The following KMT2C variants were observed in gnomAD, a reference collection of about 807,000 sequenced individuals.
The protein encoded by KMT2C is lysine methyltransferase 2C, also known as histone-lysine N-methyltransferase 2C.
KMT2C carries 88 observed loss-of-function variants against 507.9 expected under a neutral mutation model. The ratio of observed to expected loss-of-function variants is 0.17; its 90% CI spans 0.15 to 0.21. The LOEUF (loss-of-function observed/expected upper bound fraction) is 0.21, where lower values mean the gene tolerates loss of function less well. Ranked by LOEUF, KMT2C falls within the 10% of genes least tolerant of loss-of-function variation. The probability of loss-of-function intolerance (pLI) is 1.00; values close to 1 mark genes in which losing one functional copy is unlikely to be tolerated. For synonymous variants in KMT2C, 2,049 were observed against 2,080.8 expected (o/e 0.98, Z 0.42); for missense variants, 4,954 against 5,957.8 (o/e 0.83, Z 5.55).
chr7:152,384,548 A>ACACCACCACTACCACCACCACCACCAC (rs1564068171), intron 1 of KMT2C, among the ~76,000 whole-genome samples: 2 of 62,174 alleles, frequency 3.2e-5, no homozygotes, highest in African/African-American at 6.3e-5. Flanking sequence ...CATGTGCATA[A>ACACCACCACTACCACCACCACCACCAC]CACCACCACC....
chr7:152,349,350 G>A (rs532736211), intron 2 of KMT2C, among the ~76,000 whole-genome samples: 5 of 151,848 alleles, frequency 3.3e-5, no homozygotes, highest in South Asian at 2.1e-4. Context: ...AGGCTGAGAC[G>A]GGAGAATCAC....
At chr7:152,348,599 T>TAAAAA (rs201530125) in intron 2 of KMT2C, among the ~76,000 whole-genome samples, 35 of 48,968 alleles carry the variant, frequency 7.1e-4, no homozygotes, top group Admixed American at 1.0e-3. Flanking sequence ...AACTCTGTCT[T>TAAAAA]AAAAAAAAAA....
intron 16 of KMT2C, among the ~76,000 whole-genome samples, chr7:152,231,567 G>GCT (rs1473465800): frequency 1.3e-5 from 2 of 152,258 alleles, no homozygotes; most frequent in African/African-American, 4.8e-5. Context: ...GATCGCTTGA[G>GCT]CTCAGGAGTT....
At chr7:152,266,388 G>C (rs2095858442) in intron 7 of KMT2C, among the ~76,000 whole-genome samples, 1 of 152,120 alleles carries the variant, frequency 6.6e-6, no homozygotes, top group Non-Finnish European at 1.5e-5. Flanking sequence ...GGGCTTACAG[G>C]CGTGTGCCAC....
intron 9 of KMT2C, among the ~76,000 whole-genome samples, chr7:152,262,361 C>G (rs1194696659): frequency 4.6e-5 from 7 of 152,198 alleles, no homozygotes; most frequent in Non-Finnish European, 8.8e-5. Context: ...CCTCGCAACA[C>G]CAGCAGCCCA....
rs67446037 is a variant in KMT2C at position 152,318,626 on chromosome 7, C to CAAA, written c.390-3291_390-3289dup. ...TGGGCAACAGAGCAAGACTCCATCT[C>CAAA]AAAAAAAAAAAAAAAAAAAAAATAG... is the stretch of plus-strand genomic sequence containing the variant. On this transcript the variant is annotated intron_variant, in intron 3 of 58. Coordinates refer to ENST00000262189, the MANE Select transcript of KMT2C (RefSeq NM_170606.3). 2.0e-3 allele frequency among the ~76,000 whole-genome samples: 106 copies of CAAA among 54,078 alleles called. 1 individual carries two copies. The highest frequency in any genetic ancestry group is 3.0e-3 in the Non-Finnish European group (75 of 25,120). 35.5% of individuals were successfully genotyped at this position (54,078 alleles called of 152,430 possible).
intron 1 of KMT2C, among the ~76,000 whole-genome samples, chr7:152,415,327 G>A (rs2097723444): frequency 7.5e-6 from 1 of 133,936 alleles, no homozygotes; most frequent in Non-Finnish European, 1.5e-5. Flanking sequence ...AAATTCTAAT[G>A]CTTTGTTTAC....
chr7:152,276,424 C>T (rs1408584219), intron 6 of KMT2C, among the ~76,000 whole-genome samples: 2 of 152,046 alleles, frequency 1.3e-5, no homozygotes, highest in East Asian at 1.9e-4. Context: ...GTAACAATTA[C>T]GAAGCTAATT....
At chr7:152,253,514 CAAAAAAAAAAAAAAAA>C (rs71198770) in intron 9 of KMT2C, among the ~76,000 whole-genome samples, 10 of 39,516 alleles carry the variant, frequency 2.5e-4, no homozygotes, top group Admixed American at 7.7e-4. Context: ...TCTTTCTCTA[CAAAAAAAAAAAAAAAA>C]AAAAAAAAAA....
intron 1 of KMT2C, among the ~76,000 whole-genome samples, chr7:152,432,629 G>A (rs1269373394): frequency 6.6e-6 from 1 of 152,026 alleles, no homozygotes; most frequent in Non-Finnish European, 1.5e-5. Context: ...CTTGATTTTA[G>A]GTAGTAAAAT....
intron 1 of KMT2C, among the ~76,000 whole-genome samples, chr7:152,361,542 A>G (rs1049687256): frequency 5.3e-5 from 8 of 152,134 alleles, no homozygotes; most frequent in Non-Finnish European, 1.0e-4. Flanking sequence ...CAGCCTGGGC[A>G]ACAAGAGAGA....
chr7:152,187,855 G>GA lies in KMT2C; in HGVS notation c.4661-9dup, dbSNP rs1563317699. Reference sequence around the variant, plus strand: ...GCATCCGTGAAAAAGCATCTTCAGAGAAAAAAATAATTCCGTTGGCATGAT... The same window carrying GA: ...GCATCCGTGAAAAAGCATCTTCAGAGAAAAAAAATAATTCCGTTGGCATGAT... On this transcript the variant is annotated splice_polypyrimidine_tract_variant and intron_variant, in intron 31 of 58. Transcript: ENST00000262189. 12 of 1,611,662 alleles carry GA rather than the reference G, an allele frequency of 7.4e-6. No individual in the cohort carries two copies. Among genetic ancestry groups the GA allele is most frequent in the East Asian group, 2.2e-5 (1 of 44,838 alleles).
rs560853000 is a variant in KMT2C, at chr7:152,384,044, C to CTGTGTGTGTG, written c.162-25379_162-25370dup. Among the ~76,000 whole-genome samples, 865 of 149,874 alleles carry CTGTGTGTGTG rather than the reference C, an allele frequency of 5.8e-3. 8 individuals carry two copies. Among genetic ancestry groups the CTGTGTGTGTG allele is most frequent in the African/African-American group, 0.019 (767 of 39,934 alleles). ...AGATCCGAGAGGCAGACATGTGTGT[C>CTGTGTGTGTG]TGTGTGTGTGTGCGTGTGTGTAGGC... On this transcript the variant is annotated intron_variant, in intron 1 of 58. Transcript: ENST00000262189.
rs759546723 is a variant in KMT2C, at chr7:152,231,780, CA to C, written c.2770-1460del. On this transcript the variant is annotated intron_variant, in intron 16 of 58. Coordinates refer to ENST00000262189, the MANE Select transcript of KMT2C (RefSeq NM_170606.3). ...TGGGTGACAGAGCGAGACCCTGTCT[CA>C]AAAAAAAAAAAGAAGGAAGGAAGTT... Among the ~76,000 whole-genome samples, 257 of 133,400 alleles carry C rather than the reference CA, an allele frequency of 1.9e-3. No individual in the cohort carries two copies. The Middle Eastern group carries it at 0.02, about 10-fold the overall frequency. The allele number at this position is 133,400 out of a possible 152,430, so 87.5% of individuals were successfully genotyped here.
At chr7:152,207,800 A>G (rs1451208469) in intron 23 of KMT2C, among the ~76,000 whole-genome samples, 1 of 152,198 alleles carries the variant, frequency 6.6e-6, no homozygotes, top group Non-Finnish European at 1.5e-5. Flanking sequence ...CTAGTTACTG[A>G]AAACTGTATA....
chr7:152,421,239 CA>C (rs772104072), intron 1 of KMT2C, among the ~76,000 whole-genome samples: 5 of 151,578 alleles, frequency 3.3e-5, no homozygotes, highest in Non-Finnish European at 2.9e-5. Context: ...AAGTCACACA[CA>C]AAAAAAACAT....
chr7:152,194,293 T>C (rs2129129178), intron 29 of KMT2C, 32 bp from the exon 30 acceptor site: 1 of 1,357,446 alleles, frequency 7.4e-7, no homozygotes, highest in South Asian at 1.3e-5. Flanking sequence ...AAAGAAACAT[T>C]AACAGCTACT....
In KMT2C at chr7:152,255,109, T is replaced by TTATATATATATA. The variant is rs1207305132; in HGVS notation, c.1300-2406_1300-2395dup. Among the ~76,000 whole-genome samples the TTATATATATATA allele has an allele frequency of 2.7e-3, 208 of 78,290 alleles. 1 individual carries two copies. The highest frequency in any genetic ancestry group is 8.3e-3 in the Middle Eastern group (1 of 120). 51.4% of individuals were successfully genotyped at this position (78,290 alleles called of 152,430 possible). On this transcript the variant is annotated intron_variant, in intron 9 of 58. Coordinates refer to ENST00000262189, the MANE Select transcript of KMT2C (RefSeq NM_170606.3). ...AATCAAGATGTCAATCAACTCTCAC[T>TTATATATATATA]TATATATATATATATATATATATAT...
At chr7:152,318,930 G>T (rs369174087) in intron 3 of KMT2C, among the ~76,000 whole-genome samples, 7 of 152,028 alleles carry the variant, frequency 4.6e-5, no homozygotes, top group African/African-American at 7.2e-5. Context: ...AATGAATCTC[G>T]AATCTGAAAG....
Sources: gnomAD v4.1 joint callset for allele counts (sites outside exome capture counted in the v4.1 genomes callset) on GRCh38, gnomAD v4.1.1 for gene constraint, MANE v1.5 for transcripts, NCBI Gene and HGNC (gene_info 2026-07-23, HGNC 2026-07-21) for gene names.